FAM3B: variants seen among roughly 807,000 people sequenced by gnomAD.
FAM3B encodes the protein protein FAM3B.
Under a neutral mutation model 28.4 loss-of-function variants are expected in FAM3B, and 29 were observed. The observed-to-expected ratio is 1.02, with a 90% CI of 0.76 to 1.39. The LOEUF (loss-of-function observed/expected upper bound fraction) is 1.39, where lower values mean the gene tolerates loss of function less well. Among genes scored for constraint, FAM3B ranks in the 40% most tolerant of loss-of-function variants. The pLI is 0.00. For synonymous variants in FAM3B, 91 were observed against 103.0 expected (o/e 0.88, Z 0.71); for missense variants, 266 against 293.9 (o/e 0.91, Z 0.69).
At chr21:41,314,032 G>A (rs1261658854), upstream of FAM3B, among the ~76,000 whole-genome samples, 1 of 152,208 alleles carries the variant, frequency 6.6e-6, no homozygotes, top group African/African-American at 2.4e-5. Context: ...TTCATAGGTT[G>A]AAGCCCTAAT....
At chr21:41,325,555 C>G (rs2088848278) in intron 2 of FAM3B, among the ~76,000 whole-genome samples, 1 of 152,186 alleles carries the variant, frequency 6.6e-6, no homozygotes, top group East Asian at 1.9e-4. Context: ...GGACCCCACT[C>G]TGGGAAATTC....
intron 7 of FAM3B, among the ~76,000 whole-genome samples, chr21:41,352,900 C>T (rs962902786): frequency 6.6e-6 from 1 of 152,224 alleles, no homozygotes; most frequent in Admixed American, 6.5e-5. Flanking sequence ...AAAGTAATTG[C>T]ACCAACTTAA....
At chr21:41,334,719 A>C (rs774585902) in intron 2 of FAM3B, among the ~76,000 whole-genome samples, 1 of 152,206 alleles carries the variant, frequency 6.6e-6, no homozygotes, top group Non-Finnish European at 1.5e-5. Flanking sequence ...ACTAGTCCCC[A>C]CTGGAGCACT....
chr21:41,344,570 A>G, intron 4 of FAM3B, 36 bp downstream of exon 4: 1 of 1,579,048 alleles, frequency 6.3e-7, no homozygotes, highest in Non-Finnish European at 8.7e-7. Context: ...ACTTCTCTAA[A>G]AGCTCTCTGG....
At chr21:41,316,137 C>T (rs1166976792), upstream of FAM3B, among the ~76,000 whole-genome samples, 1 of 152,164 alleles carries the variant, frequency 6.6e-6, no homozygotes, top group Non-Finnish European at 1.5e-5. Flanking sequence ...GGAGCTATTC[C>T]TGTTTGGGGA....
At chr21:41,353,688 G>T (rs916341855) in intron 7 of FAM3B, among the ~76,000 whole-genome samples, 1 of 152,196 alleles carries the variant, frequency 6.6e-6, no homozygotes, top group East Asian at 1.9e-4. Context: ...AAATGTAATG[G>T]CTAACACTAT....
chr21:41,307,329 G>A (rs758677762), intron 1 of FAM3B, among the ~76,000 whole-genome samples: 7 of 152,302 alleles, frequency 4.6e-5, no homozygotes, highest in Middle Eastern at 3.4e-3. Context: ...ACCCTGCTCT[G>A]GATTAGGCTT....
intron 1 of FAM3B, among the ~76,000 whole-genome samples, chr21:41,311,548 CATAA>C (rs897273758): frequency 3.3e-5 from 5 of 151,724 alleles, no homozygotes; most frequent in African/African-American, 1.2e-4. Flanking sequence ...TTAACATAAA[CATAA>C]ATAGTTTTAT....
At chr21:41,352,964 C>G (rs116016468) in intron 7 of FAM3B, among the ~76,000 whole-genome samples, 1 of 151,992 alleles carries the variant, frequency 6.6e-6, no homozygotes, top group African/African-American at 2.4e-5. Context: ...CCAAGTTTAG[C>G]GAAGTTGCAG....
chr21:41,355,302 C>A (rs1395713738), intron 7 of FAM3B, among the ~76,000 whole-genome samples: 2 of 152,114 alleles, frequency 1.3e-5, no homozygotes, highest in Non-Finnish European at 2.9e-5. Context: ...GCCCTATGAC[C>A]CAACAGTTCC....
chr21:41,338,875 G>T (rs1481455539), intron 3 of FAM3B, among the ~76,000 whole-genome samples: 2 of 152,186 alleles, frequency 1.3e-5, no homozygotes, highest in East Asian at 3.9e-4. Flanking sequence ...GCACGTGGGG[G>T]CATGAGAGCC....
chr21:41,315,715 A>T (rs1481972066), upstream of FAM3B, among the ~76,000 whole-genome samples: 1 of 151,996 alleles, frequency 6.6e-6, no homozygotes, highest in Non-Finnish European at 1.5e-5. Context: ...TGGTTTGGGG[A>T]GACTGCAGGT....
intron 1 of FAM3B, among the ~76,000 whole-genome samples, chr21:41,319,021 T>C (rs1435762775): frequency 6.6e-6 from 1 of 152,194 alleles, no homozygotes; most frequent in African/African-American, 2.4e-5. Context: ...GCCTCCTGAG[T>C]AGCTGAGAGT....
At position 41,340,663 on chromosome 21, in the gene FAM3B, A is replaced by G. The variant is rs529781998; in HGVS notation, c.287+2162A>G. 5.3e-5 allele frequency among the ~76,000 whole-genome samples: 8 copies of G among 152,254 alleles called. No individual in the cohort carries two copies. In the South Asian group the frequency reaches 1.7e-3, roughly 32 times the overall value. On this transcript the variant is annotated intron_variant, in intron 3 of 7. Transcript: ENST00000357985. ...CTTTCCCTGTAGTTATTTTACATTG[A>G]ATTAATTTCCATTTGCTTTCAATGC...
intron 3 of FAM3B, among the ~76,000 whole-genome samples, chr21:41,340,310 T>G (rs1370954952): frequency 6.6e-6 from 1 of 152,046 alleles, no homozygotes; most frequent in African/African-American, 2.4e-5. Context: ...CACACCACCA[T>G]GCCCAGCTAA....
chr21:41,355,641 C>G (rs1159809766), intron 7 of FAM3B, among the ~76,000 whole-genome samples: 3 of 152,092 alleles, frequency 2.0e-5, no homozygotes, highest in African/African-American at 4.8e-5. Context: ...AGAAAATCCA[C>G]AGAGTCAGAA....
At chr21:41,323,902 G>T (rs1474514950) in intron 2 of FAM3B, among the ~76,000 whole-genome samples, 1 of 152,176 alleles carries the variant, frequency 6.6e-6, no homozygotes, top group Non-Finnish European at 1.5e-5. Flanking sequence ...TAGACTGGGG[G>T]CCTTATAAAC....
intron 5 of FAM3B, 174 bp downstream of exon 5, chr21:41,345,910 C>A: frequency 1.8e-6 from 1 of 557,010 alleles, no homozygotes; most frequent in Non-Finnish European, 3.2e-6. Context: ...TAATTGAATT[C>A]ATAGAACATT....
intron 2 of FAM3B, among the ~76,000 whole-genome samples, chr21:41,336,278 T>G (rs538467042): frequency 3.0e-4 from 45 of 152,156 alleles, no homozygotes; most frequent in Non-Finnish European, 5.4e-4. Flanking sequence ...TCCCAGCACT[T>G]TGGGAGGCCG....
Sources: gnomAD v4.1 joint callset for allele counts (sites outside exome capture counted in the v4.1 genomes callset) on GRCh38, gnomAD v4.1.1 for gene constraint, MANE v1.5 for transcripts, NCBI Gene and HGNC (gene_info 2026-07-23, HGNC 2026-07-21) for gene names.